Variants in OR6N1 observed in about 807,000 individuals in gnomAD.
OR6N1 encodes olfactory receptor family 6 subfamily N member 1.
For synonymous variants in OR6N1, 170 were observed against 150.7 expected, an observed-to-expected ratio of 1.13 and a Z score of -0.94; for missense variants, 394 against 371.7, an observed-to-expected ratio of 1.06 and a Z score of -0.49.
At chr1:158,769,276 A>G (rs7548831) in intron 1 of OR6N1, among the ~76,000 whole-genome samples, 45,248 of 151,680 alleles carry the variant, frequency 0.3, 7,292 homozygotes, top group African/African-American at 0.39. Context: ...CAATCCTCCC[A>G]CCTCCACCCC....
At chr1:158,820,266 T>C in the OR6N1 span, among the ~76,000 whole-genome samples, 6,673 of 152,282 alleles carry the variant, frequency 0.044, 407 homozygotes, top group African/African-American at 0.14. Flanking sequence ...GTCAAGGCCA[T>C]CATGAGCATG....
the OR6N1 span, among the ~76,000 whole-genome samples, chr1:158,823,335 G>A: frequency 1.3e-5 from 2 of 152,052 alleles, no homozygotes; most frequent in African/African-American, 4.8e-5. Context: ...AATCTGTCTG[G>A]TCTGAGGCTT....
chr1:158,830,994 C>T, the OR6N1 span, among the ~76,000 whole-genome samples: 6 of 152,272 alleles, frequency 3.9e-5, no homozygotes, highest in Non-Finnish European at 8.8e-5. Context: ...CTACCAAGAT[C>T]TCCTGCTCCT....
chr1:158,783,116 A>C, the OR6N1 span, among the ~76,000 whole-genome samples: 1 of 152,196 alleles, frequency 6.6e-6, no homozygotes, highest in East Asian at 1.9e-4. Context: ...TCATGAACGA[A>C]ATCCATCTCC....
At chr1:158,779,764 A>C in the OR6N1 span, among the ~76,000 whole-genome samples, 1 of 152,176 alleles carries the variant, frequency 6.6e-6, no homozygotes, top group East Asian at 1.9e-4. Context: ...TTATCCTTCA[A>C]AATGAGATCA....
rs747277196 is a variant in OR6N1 at position 158,766,291 on chromosome 1, T to C, written c.392A>G (p.His131Arg). The C allele has an allele frequency of 9.9e-6, 16 of 1,613,920 alleles. No individual in the cohort carries two copies. The highest frequency in any genetic ancestry group is 2.7e-5 in the African/African-American group (2 of 74,954). ...TGTTGGGGTCATGAGGGTTGGGTAG[T>C]GGAGGGGCCGGCAGATGGCTAAATA... is the stretch of plus-strand genomic sequence containing the variant. ...DRYLAICRPL[H>R]YPTLMTPTLC... The change falls in exon 2 of 2, where the codon CAC becomes CGC. Residue 131 changes from histidine to arginine, a missense_variant. Transcript: ENST00000641846.
At chr1:158,802,555 A>G in the OR6N1 span, among the ~76,000 whole-genome samples, 1 of 151,982 alleles carries the variant, frequency 6.6e-6, no homozygotes, top group Admixed American at 6.6e-5. Flanking sequence ...TTTCATCTTA[A>G]AAGCTTTTTT....
the OR6N1 span, among the ~76,000 whole-genome samples, chr1:158,825,591 G>A: frequency 6.6e-6 from 1 of 152,144 alleles, no homozygotes; most frequent in African/African-American, 2.4e-5. Flanking sequence ...TCTCGTACCA[G>A]TCAGAATGGC....
chr1:158,785,271 T>A, the OR6N1 span, among the ~76,000 whole-genome samples: 4 of 152,214 alleles, frequency 2.6e-5, no homozygotes, highest in African/African-American at 9.6e-5. Context: ...TGAAATTCAG[T>A]ATATTTTCCT....
At chr1:158,826,189 G>A in the OR6N1 span, among the ~76,000 whole-genome samples, 17 of 151,310 alleles carry the variant, frequency 1.1e-4, no homozygotes, top group Admixed American at 8.6e-4. Context: ...TTACCTAGGT[G>A]ATGAAATAAT....
At chr1:158,772,276 A>G (rs1270774642), upstream of OR6N1, 1 of 152,196 alleles carries the variant, frequency 6.6e-6, no homozygotes, top group African/African-American at 2.4e-5. Flanking sequence ...TAGAGGCAGA[A>G]GCCCATGGGC....
At chr1:158,795,138 G>T in the OR6N1 span, among the ~76,000 whole-genome samples, 1 of 152,180 alleles carries the variant, frequency 6.6e-6, no homozygotes, top group Middle Eastern at 3.2e-3. Flanking sequence ...GAAGAGTGTA[G>T]CTTCCTCTGC....
chr1:158,833,323 T>C, the OR6N1 span, among the ~76,000 whole-genome samples: 3 of 152,216 alleles, frequency 2.0e-5, no homozygotes, highest in Admixed American at 6.5e-5. Flanking sequence ...TTTCTTTTAA[T>C]TGTGTTAAGA....
chr1:158,788,493 G>A, the OR6N1 span, among the ~76,000 whole-genome samples: 1 of 151,928 alleles, frequency 6.6e-6, no homozygotes, highest in African/African-American at 2.4e-5. Flanking sequence ...TTATATATTA[G>A]ATAGTATATC....
At chr1:158,779,267 C>T in the OR6N1 span, among the ~76,000 whole-genome samples, 1 of 152,062 alleles carries the variant, frequency 6.6e-6, no homozygotes, top group African/African-American at 2.4e-5. Flanking sequence ...GCAACCAGTG[C>T]CAGTCACACC....
chr1:158,833,894 AAT>A, the OR6N1 span, among the ~76,000 whole-genome samples: 5 of 152,320 alleles, frequency 3.3e-5, no homozygotes, highest in African/African-American at 1.2e-4. Flanking sequence ...ATCATATGGT[AAT>A]GTTATTTTTA....
At chr1:158,799,010 G>T in the OR6N1 span, among the ~76,000 whole-genome samples, 1 of 152,096 alleles carries the variant, frequency 6.6e-6, no homozygotes, top group Non-Finnish European at 1.5e-5. Context: ...TAGACGGCTG[G>T]TTCTCAGACT....
the OR6N1 span, among the ~76,000 whole-genome samples, chr1:158,813,697 CTTT>C: frequency 2.5e-5 from 2 of 78,620 alleles, no homozygotes; most frequent in African/African-American, 5.1e-5. Flanking sequence ...TATGTATGGT[CTTT>C]TTTTTTTTTT....
In OR6N1 at chr1:158,766,156, T is replaced by A; in HGVS notation, c.527A>T (p.His176Leu). 1.2e-6 allele frequency: 2 copies of A among 1,614,136 alleles called. No homozygotes were observed. The highest frequency in any genetic ancestry group is 1.3e-5 in the African/African-American group (1 of 75,036). Reference sequence around the variant, plus strand: ...CACAGGAGGGAAGTCACAAAAGACGTGCTGAATGCGATTGGGGCCACAGAA... The same window carrying A: ...CACAGGAGGGAAGTCACAAAAGACGAGCTGAATGCGATTGGGGCCACAGAA... Reference protein sequence around the residue: ...LPFCGPNRIQHVFCDFPPVLS... With the variant: ...LPFCGPNRIQLVFCDFPPVLS... The change falls in exon 2 of 2, where the codon CAC becomes CTC. Residue 176 changes from histidine (H) to leucine (L), a missense_variant. Physicochemically the swap from His to Leu is moderately conservative, Grantham distance 99. Transcript: ENST00000641846.
Sources: allele counts gnomAD v4.1 joint callset (sites outside exome capture counted in the v4.1 genomes callset), GRCh38; gene constraint gnomAD v4.1.1; transcripts MANE v1.5; gene names NCBI Gene and HGNC (gene_info 2026-07-23, HGNC 2026-07-21).